Variants in IMPA2 observed in about 807,000 individuals in gnomAD.
IMPA2 encodes IMP 2.
In IMPA2, 32 loss-of-function variants were observed where a neutral mutation model predicts 35.1. The observed-to-expected ratio is 0.91, with a 90% CI of 0.69 to 1.23. The LOEUF (loss-of-function observed/expected upper bound fraction) is 1.23, where lower values mean the gene tolerates loss of function less well. Among genes scored for constraint, IMPA2 ranks in the 50% most tolerant of loss-of-function variants. IMPA2 has a pLI of 0.00. For synonymous variants in IMPA2, 135 were observed against 160.6 expected, an observed-to-expected ratio of 0.84 and a Z score of 1.20; for missense variants, 334 against 387.6, an observed-to-expected ratio of 0.86 and a Z score of 1.16.
intron 5 of IMPA2, among the ~76,000 whole-genome samples, chr18:12,023,737 C>T (rs1393026045): frequency 6.6e-6 from 1 of 152,204 alleles, no homozygotes; most frequent in African/African-American, 2.4e-5. Context: ...GTCATTAACA[C>T]TGGTGCCAGC....
At chr18:12,014,192 G>T in intron 4 of IMPA2, 73 bp from the exon 5 acceptor site, 1 of 1,053,554 alleles carries the variant, frequency 9.5e-7, no homozygotes, top group South Asian at 1.3e-5. Context: ...CTTCATCTTT[G>T]AATAACAATG....
intron 5 of IMPA2, among the ~76,000 whole-genome samples, chr18:12,023,284 G>A (rs753345006): frequency 1.3e-5 from 2 of 152,168 alleles, no homozygotes; most frequent in Non-Finnish European, 2.9e-5. Flanking sequence ...GCCCCACCAT[G>A]TAATGGCTCC....
intron 2 of IMPA2, chr18:12,008,629 G>A (rs923616542): frequency 4.5e-6 from 2 of 448,064 alleles, no homozygotes; most frequent in Admixed American, 2.4e-5. Flanking sequence ...CATCTTCCCT[G>A]TGTGTGTGGG....
intron 5 of IMPA2, chr18:12,017,913 G>A (rs1163180981): frequency 1.7e-5 from 4 of 235,276 alleles, no homozygotes; most frequent in Admixed American, 1.2e-4. Context: ...ATATAGAGTC[G>A]ATAATGAGTT....
In IMPA2 at chr18:12,010,111, A is replaced by G; in HGVS notation, c.335+124A>G. 1 of 607,208 alleles carries G rather than the reference A, an allele frequency of 1.6e-6. No homozygotes were observed. Among genetic ancestry groups the G allele is most frequent in the Non-Finnish European group, 2.9e-6 (1 of 344,198 alleles). The allele number at this position is 607,208 out of a possible 1,614,324, so 37.6% of individuals were successfully genotyped here. A position where few individuals can be genotyped will look rare whatever the true frequency, so the allele number is the denominator to read the frequency against. On this transcript the variant is annotated intron_variant, in intron 3 of 7. Transcript: ENST00000269159. The surrounding 1 kb of genome is among the most constrained non-coding windows in gnomAD (Gnocchi z 4.8). ...ATAAACAAACCTATAGTACACTCAT[A>G]GTCTCATCAGAAAGATGATCAGATC...
intron 1 of IMPA2, among the ~76,000 whole-genome samples, chr18:11,988,463 TG>T (rs1218976921): frequency 1.3e-5 from 2 of 152,162 alleles, no homozygotes; most frequent in African/African-American, 2.4e-5. Flanking sequence ...GAGTCTTGTG[TG>T]GGGCTTTATA....
At chr18:12,005,949 G>A (rs1200578117) in intron 2 of IMPA2, among the ~76,000 whole-genome samples, 1 of 152,188 alleles carries the variant, frequency 6.6e-6, no homozygotes, top group Admixed American at 6.5e-5. Flanking sequence ...TAGTCCCTCT[G>A]GACCTGAGTC....
intron 1 of IMPA2, 26 bp downstream of exon 1, chr18:11,981,791 G>T (rs961999254): frequency 2.5e-5 from 30 of 1,216,424 alleles, no homozygotes; most frequent in Non-Finnish European, 3.1e-5. Flanking sequence ...GGGCTCGGAA[G>T]TCCGGGCGGA....
At chr18:12,024,585 C>T (rs75230561) in intron 5 of IMPA2, among the ~76,000 whole-genome samples, 7,226 of 152,268 alleles carry the variant, frequency 0.047, 569 homozygotes, top group African/African-American at 0.16. Flanking sequence ...TGCCACTTCA[C>T]TTTCTTGTCC....
At chr18:11,984,943 GA>G (rs1419915204) in intron 1 of IMPA2, among the ~76,000 whole-genome samples, 1 of 143,492 alleles carries the variant, frequency 7.0e-6, no homozygotes, top group Non-Finnish European at 1.5e-5. Flanking sequence ...ACTCCAGCCT[GA>G]GCGACAGAGC....
intron 5 of IMPA2, among the ~76,000 whole-genome samples, chr18:12,015,985 A>C (rs1273673572): frequency 6.6e-6 from 1 of 152,082 alleles, no homozygotes; most frequent in Non-Finnish European, 1.5e-5. Flanking sequence ...CACCAACTCC[A>C]CTAGGGCAAG....
At chr18:12,025,257 GTTTA>G (rs914483888) in intron 5 of IMPA2, among the ~76,000 whole-genome samples, 2 of 152,212 alleles carry the variant, frequency 1.3e-5, no homozygotes, top group Admixed American at 6.5e-5. Flanking sequence ...ATGTACCACA[GTTTA>G]TTTATTCACC....
At chr18:11,990,207 G>A (rs925017685) in intron 1 of IMPA2, among the ~76,000 whole-genome samples, 7 of 152,184 alleles carry the variant, frequency 4.6e-5, no homozygotes, top group Non-Finnish European at 1.0e-4. Flanking sequence ...GCAGGCTGGC[G>A]CCCTGCCCCT....
rs1907406142 is a variant in IMPA2, at chr18:12,010,586, G to A, written c.335+599G>A. 6.6e-6 allele frequency among the ~76,000 whole-genome samples: 1 copy of A among 152,184 alleles called. No homozygotes were observed. Among genetic ancestry groups the A allele is most frequent in the African/African-American group, 2.4e-5 (1 of 41,442 alleles). On this transcript the variant is annotated intron_variant, in intron 3 of 7. Coordinates refer to ENST00000269159, the MANE Select transcript of IMPA2 (RefSeq NM_014214.3). This position sits in a 1 kb window ranked among gnomAD's most constrained non-coding sequence, Gnocchi z 4.8. Reference sequence around the variant, plus strand: ...GGCAGGTGATGGTGCTGCGCTGCCTGTCTACACGCACAGGTGGCTGGGGGC... The same window carrying A: ...GGCAGGTGATGGTGCTGCGCTGCCTATCTACACGCACAGGTGGCTGGGGGC...
rs1173823106 is a variant in IMPA2 at position 11,981,591 on chromosome 18, GCGGCGGGA to G, written c.-70_-63del. The stretch of plus-strand genomic sequence containing the variant: ...GCAGGCACAGGGAGTGTGGAGCCTG[GCGGCGGGA>G]CGGCGGGATCCGGTGGGAGCCGGAG... On this transcript the variant is annotated 5_prime_UTR_variant, in exon 1 of 8. Transcript: ENST00000269159. 12 of 972,528 alleles carry G rather than the reference GCGGCGGGA, an allele frequency of 1.2e-5. No individual in the cohort carries two copies. Among genetic ancestry groups the G allele is most frequent in the East Asian group, 3.3e-5 (1 of 30,130 alleles). 60.2% of individuals were successfully genotyped at this position (972,528 alleles called of 1,614,324 possible).
intron 5 of IMPA2, among the ~76,000 whole-genome samples, chr18:12,026,636 C>T (rs1237058877): frequency 6.6e-6 from 1 of 152,148 alleles, no homozygotes; most frequent in Non-Finnish European, 1.5e-5. Flanking sequence ...ACCCCCACCC[C>T]GGAAAAAATA....
At chr18:11,984,376 C>A (rs1447630275) in intron 1 of IMPA2, among the ~76,000 whole-genome samples, 1 of 152,206 alleles carries the variant, frequency 6.6e-6, no homozygotes, top group Non-Finnish European at 1.5e-5. Context: ...TGACCACAGC[C>A]CCACCCCAAG....
chr18:11,997,693 G>A (rs1408682389), intron 1 of IMPA2, among the ~76,000 whole-genome samples: 1 of 152,156 alleles, frequency 6.6e-6, no homozygotes, highest in East Asian at 1.9e-4. Flanking sequence ...GGTCCTTGGT[G>A]TGTGCTTATC....
At chr18:11,989,036 A>T (rs1906739544) in intron 1 of IMPA2, among the ~76,000 whole-genome samples, 1 of 151,994 alleles carries the variant, frequency 6.6e-6, no homozygotes, top group Admixed American at 6.6e-5. Context: ...CTAAGTGGAG[A>T]TGTTGGATTT....
Sources: allele counts gnomAD v4.1 joint callset (sites outside exome capture counted in the v4.1 genomes callset), GRCh38; gene constraint gnomAD v4.1.1; non-coding constraint Gnocchi (gnomAD v3.1); transcripts MANE v1.5; gene names NCBI Gene and HGNC (gene_info 2026-07-23, HGNC 2026-07-21).